MEIKIN: variants seen among roughly 807,000 people sequenced by gnomAD.
The protein encoded by MEIKIN is meiotic kinetochore factor.
chr5:131,859,658 A>G (rs528455250), intron 9 of MEIKIN, among the ~76,000 whole-genome samples: 1 of 152,308 alleles, frequency 6.6e-6, no homozygotes, highest in African/African-American at 2.4e-5. Context: ...CTGTGAGTCA[A>G]TTAAATCTCT....
At chr5:131,869,453 C>A (rs905072475) in intron 9 of MEIKIN, among the ~76,000 whole-genome samples, 1 of 152,166 alleles carries the variant, frequency 6.6e-6, no homozygotes, top group African/African-American at 2.4e-5. Context: ...ATTGAGTTGG[C>A]TATTCTGTAT....
At chr5:131,842,337 T>C (rs1022070113) in intron 11 of MEIKIN, among the ~76,000 whole-genome samples, 1 of 152,220 alleles carries the variant, frequency 6.6e-6, no homozygotes, top group Non-Finnish European at 1.5e-5. Flanking sequence ...CTTCTAGTAC[T>C]ATGCTGAATA....
intron 11 of MEIKIN, among the ~76,000 whole-genome samples, chr5:131,825,875 A>G (rs946733565): frequency 2.0e-5 from 3 of 152,198 alleles, no homozygotes; most frequent in Non-Finnish European, 4.4e-5. Flanking sequence ...CTATTAGGAC[A>G]ACTGTAACTG....
chr5:131,826,757 CA>C (rs112031754), intron 11 of MEIKIN, among the ~76,000 whole-genome samples: 15,253 of 152,124 alleles, frequency 0.1, 1,765 homozygotes, highest in African/African-American at 0.29. Context: ...TCTTTCCTGC[CA>C]CCTTGTGAAG....
intron 11 of MEIKIN, among the ~76,000 whole-genome samples, chr5:131,846,232 G>A (rs1244489545): frequency 6.6e-6 from 1 of 152,160 alleles, no homozygotes; most frequent in Non-Finnish European, 1.5e-5. Flanking sequence ...CAAAGCTGAG[G>A]GAGGTAGTTA....
rs562084814 is a variant in MEIKIN, at chr5:131,807,264, GA to G, written c.1100-7del. 28 of 388,870 alleles carry G rather than the reference GA, an allele frequency of 7.2e-5. No homozygotes were observed. Among genetic ancestry groups the G allele is most frequent in the African/African-American group, 2.1e-4 (10 of 48,028 alleles). The allele number at this position is 388,870 out of a possible 1,614,324, so 24.1% of individuals were successfully genotyped here. A position where few individuals can be genotyped will look rare whatever the true frequency, so the allele number is the denominator to read the frequency against. On this transcript the variant is annotated splice_region_variant and splice_polypyrimidine_tract_variant and intron_variant, in intron 12 of 12. Coordinates refer to ENST00000442687, the MANE Select transcript of MEIKIN (RefSeq NM_001303622.2). ...TGCCATTTTTATTATGATATCTGGAGAAAAAAAAATAACAATAGATTACTTT... is the reference window on the plus strand; with the variant it reads ...TGCCATTTTTATTATGATATCTGGAGAAAAAAAATAACAATAGATTACTTT...
chr5:131,885,638 G>A (rs1750782839), intron 8 of MEIKIN, among the ~76,000 whole-genome samples: 1 of 152,182 alleles, frequency 6.6e-6, no homozygotes, highest in Non-Finnish European at 1.5e-5. Context: ...TACCTGGAAA[G>A]TCTTCCTAAG....
intron 9 of MEIKIN, among the ~76,000 whole-genome samples, chr5:131,870,067 T>G (rs903400255): frequency 5.3e-5 from 8 of 152,174 alleles, no homozygotes; most frequent in African/African-American, 1.7e-4. Flanking sequence ...GACTTTTAAA[T>G]TCCTTCCTAA....
rs1772856826 is a variant in MEIKIN, at chr5:131,806,994, G to A, written c.*242C>T. On this transcript the variant is annotated 3_prime_UTR_variant, in exon 13 of 13. Coordinates refer to ENST00000442687, the MANE Select transcript of MEIKIN (RefSeq NM_001303622.2). The stretch of plus-strand genomic sequence containing the variant: ...ACAGTCTTCTAATACCAATGATTTG[G>A]TTCTTTATCTTTTAATATAAATACA... The A allele has an allele frequency of 3.1e-6, 1 of 323,936 alleles. No homozygotes were observed. Among genetic ancestry groups the A allele is most frequent in the Admixed American group, 4.8e-5 (1 of 20,754 alleles). 20.1% of individuals were successfully genotyped at this position (323,936 alleles called of 1,614,324 possible). A position where few individuals can be genotyped will look rare whatever the true frequency, so the allele number is the denominator to read the frequency against.
At chr5:131,942,996 G>A (rs2149656464) in intron 3 of MEIKIN, among the ~76,000 whole-genome samples, 1 of 152,170 alleles carries the variant, frequency 6.6e-6, no homozygotes, top group African/African-American at 2.4e-5. Context: ...TGGTTCCCTA[G>A]TGGGGAGGGG....
In MEIKIN at chr5:131,863,557, C is replaced by CTTTTTTTTTTTTT. The variant is rs59435888; in HGVS notation, c.775-8736_775-8724dup. Among the ~76,000 whole-genome samples the CTTTTTTTTTTTTT allele has an allele frequency of 4.7e-4, 32 of 68,424 alleles. 2 individuals are homozygous for CTTTTTTTTTTTTT. Among genetic ancestry groups the CTTTTTTTTTTTTT allele is most frequent in the African/African-American group, 1.1e-3 (14 of 12,854 alleles). The allele number at this position is 68,424 out of a possible 152,430, so 44.9% of individuals were successfully genotyped here. ...TCATTATATAATGACCTTCTTTGTC[C>CTTTTTTTTTTTTT]TTTTTTTTTTTTTTTTTTTTTTTTT... is the stretch of plus-strand genomic sequence containing the variant. On this transcript the variant is annotated intron_variant, in intron 9 of 12. Transcript: ENST00000442687.
intron 8 of MEIKIN, among the ~76,000 whole-genome samples, chr5:131,902,946 A>G (rs1346722855): frequency 1.3e-5 from 2 of 152,226 alleles, no homozygotes; most frequent in Admixed American, 1.3e-4. Context: ...AATGGCCATT[A>G]TAAGAAAGAA....
chr5:131,879,265 C>T (rs1750665448), intron 8 of MEIKIN, among the ~76,000 whole-genome samples: 2 of 152,192 alleles, frequency 1.3e-5, no homozygotes, highest in Non-Finnish European at 1.5e-5. Flanking sequence ...TTCACAGAAG[C>T]AAATAAAAAA....
At chr5:131,849,657 C>T (rs1304253240) in intron 11 of MEIKIN, among the ~76,000 whole-genome samples, 1 of 150,462 alleles carries the variant, frequency 6.6e-6, no homozygotes, top group Non-Finnish European at 1.5e-5. Context: ...TACCCAGTCT[C>T]AGGTATTTCT....
Position 131,885,305 on chromosome 5 carries a change from T to C in MEIKIN, c.704-6257A>G, listed in dbSNP as rs566545062. Among the ~76,000 whole-genome samples the C allele has an allele frequency of 1.6e-4, 23 of 145,560 alleles. No individual in the cohort carries two copies. The South Asian group carries it at 5.0e-3, about 32-fold the overall frequency. On this transcript the variant is annotated intron_variant, in intron 8 of 12. Transcript: ENST00000442687. ...ATTGGAGGCCACAGAGGTGCTTGTG[T>C]TACCCCACCCCCAGCTGCAGGCCAC...
chr5:131,878,086 G>T (rs1477060805), intron 9 of MEIKIN, among the ~76,000 whole-genome samples: 1 of 152,158 alleles, frequency 6.6e-6, no homozygotes, highest in Non-Finnish European at 1.5e-5. Flanking sequence ...TCCACTGGGG[G>T]TCTTGGGATG....
intron 8 of MEIKIN, among the ~76,000 whole-genome samples, chr5:131,879,865 T>G (rs1256068600): frequency 6.6e-6 from 1 of 152,190 alleles, no homozygotes; most frequent in Non-Finnish European, 1.5e-5. Context: ...ATTTATTGAG[T>G]GTCTGCTATG....
chr5:131,925,353 G>A (rs899753509), intron 5 of MEIKIN, among the ~76,000 whole-genome samples: 1 of 152,164 alleles, frequency 6.6e-6, no homozygotes, highest in African/African-American at 2.4e-5. Flanking sequence ...CATCAAATTT[G>A]TAGACTGCTT....
At chr5:131,840,242 C>T (rs545653710) in intron 11 of MEIKIN, among the ~76,000 whole-genome samples, 11 of 152,296 alleles carry the variant, frequency 7.2e-5, no homozygotes, top group South Asian at 6.2e-4. Flanking sequence ...GTTAGACTAA[C>T]GGCCTTCCCT....
Sources: gnomAD v4.1 joint callset for allele counts (sites outside exome capture counted in the v4.1 genomes callset) on GRCh38, gnomAD v4.1.1 for gene constraint, MANE v1.5 for transcripts, NCBI Gene and HGNC (gene_info 2026-07-23, HGNC 2026-07-21) for gene names.